The following PDE6D variants were observed in gnomAD, a reference collection of about 807,000 sequenced individuals.
The protein encoded by PDE6D is phosphodiesterase 6D.
In PDE6D, 10 loss-of-function variants were observed where a neutral mutation model predicts 21.9. The observed-to-expected ratio is 0.46, with a 90% CI of 0.28 to 0.78. The LOEUF is 0.78. Among genes scored for constraint, PDE6D ranks in the 30% least tolerant of loss-of-function variants. The probability of loss-of-function intolerance (pLI) is 0.12; values close to 1 mark genes in which losing one functional copy is unlikely to be tolerated. For missense variants in PDE6D, 139 were observed against 184.8 expected, an observed-to-expected ratio of 0.75 and a Z score of 1.44; for synonymous variants, 59 against 63.5, an observed-to-expected ratio of 0.93 and a Z score of 0.34.
chr2:231,750,593 G>C (rs577668075), intron 1 of PDE6D, among the ~76,000 whole-genome samples: 1 of 148,342 alleles, frequency 6.7e-6, no homozygotes, highest in Admixed American at 6.8e-5. Flanking sequence ...TCCCGGGTTC[G>C]AGAGATTCTA....
intron 4 of PDE6D, among the ~76,000 whole-genome samples, chr2:231,735,082 A>AAT (rs1256773096): frequency 1.3e-3 from 196 of 147,260 alleles, no homozygotes; most frequent in African/African-American, 4.7e-3. Flanking sequence ...CTCTACTAAA[A>AAT]ATACGAAAAA....
chr2:231,744,998 G>A (rs1480610066), intron 1 of PDE6D, among the ~76,000 whole-genome samples: 1 of 152,124 alleles, frequency 6.6e-6, no homozygotes, highest in Non-Finnish European at 1.5e-5. Context: ...GCCATTGAAG[G>A]CCCCTCTAAG....
chr2:231,777,318 A>T (rs535161203), intron 1 of PDE6D, among the ~76,000 whole-genome samples: 9 of 152,264 alleles, frequency 5.9e-5, no homozygotes, highest in African/African-American at 1.9e-4. Context: ...TACAGTATTC[A>T]CTTTTATGCA....
At chr2:231,769,839 G>A (rs966976765) in intron 1 of PDE6D, among the ~76,000 whole-genome samples, 1 of 152,044 alleles carries the variant, frequency 6.6e-6, no homozygotes, top group Non-Finnish European at 1.5e-5. Flanking sequence ...ATACTTAAGG[G>A]GCCTTTGAAA....
intron 1 of PDE6D, 58 bp downstream of exon 1, chr2:231,781,007 C>T (rs1353090868): frequency 6.7e-6 from 10 of 1,485,056 alleles, no homozygotes; most frequent in Non-Finnish European, 9.4e-6. Context: ...GGCCAGTCTC[C>T]TCAGTGAGCG....
chr2:231,762,321 T>G (rs1574630254), intron 1 of PDE6D, among the ~76,000 whole-genome samples: 1 of 147,056 alleles, frequency 6.8e-6, no homozygotes, highest in African/African-American at 2.5e-5. Flanking sequence ...AAATCTGAAG[T>G]GGATTCAAGG....
intron 3 of PDE6D, 126 bp downstream of exon 3, chr2:231,737,887 G>T: frequency 1.1e-6 from 1 of 935,884 alleles, no homozygotes; most frequent in Non-Finnish European, 1.6e-6. Context: ...CAGAGTGTAG[G>T]AATCCTACCA....
intron 1 of PDE6D, among the ~76,000 whole-genome samples, chr2:231,770,183 C>T (rs1393117941): frequency 1.3e-5 from 2 of 152,152 alleles, no homozygotes; most frequent in African/African-American, 4.8e-5. Context: ...TTGTGCTTAT[C>T]AGACTTGAGT....
At chr2:231,752,779 T>G (rs1213974187) in intron 1 of PDE6D, among the ~76,000 whole-genome samples, 1 of 150,116 alleles carries the variant, frequency 6.7e-6, no homozygotes, top group Non-Finnish European at 1.5e-5. Flanking sequence ...TATATATATA[T>G]TAAATATTAG....
chr2:231,738,123 T>A lies in PDE6D; in HGVS notation c.155A>T (p.Lys52Ile). The A allele has an allele frequency of 6.2e-7, 1 of 1,613,182 alleles. No homozygotes were observed. The highest frequency in any genetic ancestry group is 8.5e-7 in the Non-Finnish European group (1 of 1,179,606). Residue 52 changes from lysine (K) to isoleucine (I), a missense_variant, in exon 3 of 5, where the codon AAA becomes ATA. Transcript: ENST00000287600. ...GVEHEARVPK[K>I]ILKCKAVSRE... ...AGACACTGCCTTGCACTTGAGGATT[T>A]TCTTGGGAACACGGGCTGGTAAGAG...
At chr2:231,762,855 T>C (rs188700306) in intron 1 of PDE6D, among the ~76,000 whole-genome samples, 3 of 152,000 alleles carry the variant, frequency 2.0e-5, no homozygotes, top group Admixed American at 2.0e-4. Flanking sequence ...TCCCAGAACT[T>C]TGGGAGGCCA....
At chr2:231,766,993 CAA>C (rs3038045) in intron 1 of PDE6D, among the ~76,000 whole-genome samples, 11 of 36,686 alleles carry the variant, frequency 3.0e-4, no homozygotes, top group South Asian at 1.3e-3. Context: ...GACTCCGTCT[CAA>C]AAAAAAAAAA....
chr2:231,747,595 C>T (rs1183318473), intron 1 of PDE6D, among the ~76,000 whole-genome samples: 1 of 152,186 alleles, frequency 6.6e-6, no homozygotes, highest in African/African-American at 2.4e-5. Flanking sequence ...CTTCTCCATT[C>T]TCTTCATAGA....
At chr2:231,758,517 G>C (rs1253757136) in intron 1 of PDE6D, among the ~76,000 whole-genome samples, 1 of 152,146 alleles carries the variant, frequency 6.6e-6, no homozygotes, top group Non-Finnish European at 1.5e-5. Flanking sequence ...TCTCAGCCTT[G>C]GCTGCCTATT....
At chr2:231,741,557 C>A (rs1184220887) in intron 1 of PDE6D, among the ~76,000 whole-genome samples, 1 of 152,038 alleles carries the variant, frequency 6.6e-6, no homozygotes, top group Non-Finnish European at 1.5e-5. Flanking sequence ...AGGGTCCAGG[C>A]TAGAGCAGGT....
rs548165848 is a variant in PDE6D, at chr2:231,780,992, C to A, written c.50+73G>T. 9.6e-6 allele frequency: 13 copies of A among 1,359,280 alleles called. No homozygotes were observed. The South Asian group carries it at 1.4e-4, about 15-fold the overall frequency. The allele number at this position is 1,359,280 out of a possible 1,614,324, so 84.2% of individuals were successfully genotyped here. A position where few individuals can be genotyped will look rare whatever the true frequency, so the allele number is the denominator to read the frequency against. On this transcript the variant is annotated intron_variant, in intron 1 of 4. Coordinates refer to ENST00000287600, the MANE Select transcript of PDE6D (RefSeq NM_002601.4). ...TGGGGCCCACCTGGCGCGGCCCCCGCCCCCGGCCAGTCTCCTCAGTGAGCG... is the reference window on the plus strand; with the variant it reads ...TGGGGCCCACCTGGCGCGGCCCCCGACCCCGGCCAGTCTCCTCAGTGAGCG...
chr2:231,773,886 T>C (rs1470975075), intron 1 of PDE6D, among the ~76,000 whole-genome samples: 3 of 152,190 alleles, frequency 2.0e-5, no homozygotes, highest in Non-Finnish European at 4.4e-5. Flanking sequence ...ATTAGTTATA[T>C]CTCAGAGAAA....
At chr2:231,735,560 AGTGCTGGGATTACAGGT>A (rs2048692350) in intron 4 of PDE6D, among the ~76,000 whole-genome samples, 1 of 151,386 alleles carries the variant, frequency 6.6e-6, no homozygotes, top group Non-Finnish European at 1.5e-5. Flanking sequence ...GGCTTCCCAA[AGTGCTGGGATTACAGGT>A]GTGAGCCACT....
Position 231,739,044 on chromosome 2 carries a change from C to A in PDE6D, c.139+56G>T. The A allele has an allele frequency of 9.1e-7, 1 of 1,093,744 alleles. No individual in the cohort carries two copies. The allele number at this position is 1,093,744 out of a possible 1,614,324, so 67.8% of individuals were successfully genotyped here. ...TGTGTTAACTTAGCTCTCTTATGCT[C>A]AGGTGCTAGTCTGGCATTGGTCACA... is the stretch of plus-strand genomic sequence containing the variant. On this transcript the variant is annotated intron_variant, in intron 2 of 4. Transcript: ENST00000287600. This position sits in a 1 kb window ranked among gnomAD's most constrained non-coding sequence, Gnocchi z 4.2.
Sources: allele counts gnomAD v4.1 joint callset (sites outside exome capture counted in the v4.1 genomes callset), GRCh38; gene constraint gnomAD v4.1.1; non-coding constraint Gnocchi (gnomAD v3.1); transcripts MANE v1.5; gene names NCBI Gene and HGNC (gene_info 2026-07-23, HGNC 2026-07-21).